SIGLEC6: variants seen among roughly 807,000 people sequenced by gnomAD.
The protein encoded by SIGLEC6 is sialic acid-binding Ig-like lectin 6.
SIGLEC6 carries 31 observed loss-of-function variants against 41.4 expected under a neutral mutation model. The observed-to-expected ratio is 0.75, with a 90% confidence interval of 0.56 to 1.01. The LOEUF (loss-of-function observed/expected upper bound fraction) is 1.01, where lower values mean the gene tolerates loss of function less well. Among genes scored for constraint, SIGLEC6 ranks in the 50% least tolerant of loss-of-function variants. The pLI is 0.00. For missense variants in SIGLEC6, 555 were observed against 558.6 expected (o/e 0.99, Z 0.06); for synonymous variants, 217 against 231.0 (o/e 0.94, Z 0.55).
chr19:51,530,175 G>A (rs543718086), intron 4 of SIGLEC6, among the ~76,000 whole-genome samples, 194 bp from the exon 5 acceptor site: 2 of 152,294 alleles, frequency 1.3e-5, no homozygotes, highest in South Asian at 2.1e-4. Context: ...CAAGGGCTGC[G>A]GACAGCGTCG....
At position 51,519,839 on chromosome 19, in the gene SIGLEC6, A is replaced by G; in HGVS notation, c.*243T>C. The stretch of plus-strand genomic sequence containing the variant: ...AAGATTAGGACACAAACACACTCAG[A>G]GGAAAGACCATGTGAAGACACAAGG... On this transcript the variant is annotated 3_prime_UTR_variant, in exon 8 of 8. Transcript: ENST00000425629. 1 of 268,750 alleles carries G rather than the reference A, an allele frequency of 3.7e-6. No individual in the cohort carries two copies. Among genetic ancestry groups the G allele is most frequent in the Non-Finnish European group, 7.0e-6 (1 of 142,654 alleles). 16.6% of individuals were successfully genotyped at this position (268,750 alleles called of 1,614,324 possible). A position where few individuals can be genotyped will look rare whatever the true frequency, so the allele number is the denominator to read the frequency against.
chr19:51,527,477 A>C (rs745910551), intron 7 of SIGLEC6, among the ~76,000 whole-genome samples: 1 of 143,168 alleles, frequency 7.0e-6, no homozygotes, highest in African/African-American at 2.6e-5. Flanking sequence ...AGGAAATATG[A>C]TAATCTGACA....
At chr19:51,520,318 G>T in intron 7 of SIGLEC6, 63 bp from the exon 8 acceptor site, 2 of 1,184,552 alleles carry the variant, frequency 1.7e-6, no homozygotes, top group Non-Finnish European at 1.2e-6. Context: ...AGCAGCCAAG[G>T]ATCAGAAAGG....
At chr19:51,522,589 C>T (rs548042985) in intron 7 of SIGLEC6, among the ~76,000 whole-genome samples, 1 of 152,286 alleles carries the variant, frequency 6.6e-6, no homozygotes, top group East Asian at 1.9e-4. Flanking sequence ...AGTTCGAGAC[C>T]AGCCTGGGCA....
At chr19:51,523,015 C>T (rs1227206415) in intron 7 of SIGLEC6, among the ~76,000 whole-genome samples, 2 of 152,012 alleles carry the variant, frequency 1.3e-5, no homozygotes, top group East Asian at 3.9e-4. Context: ...TGGTGCATGC[C>T]TGTAGTCATA....
rs764341409 is a variant in SIGLEC6, at chr19:51,531,160, C to A, written c.427G>T (p.Ala143Ser). 1 of 1,578,814 alleles carries A rather than the reference C, an allele frequency of 6.3e-7. No homozygotes were observed. The highest frequency in any genetic ancestry group is 1.3e-5 in the African/African-American group (1 of 74,284). The change falls in exon 2 of 8, where the codon GCC (alanine) becomes TCC (serine). Residue 143 changes from alanine to serine, a missense_variant and splice_region_variant. Coordinates refer to ENST00000425629, the MANE Select transcript of SIGLEC6 (RefSeq NM_001245.7). ...TSSKLSVRVM[A>S]LTHRPNISIP... ...GCTAGTCCTGGAGCTGGTTCCTTAC[C>A]CATCACACGCACAGAGAGCTTGGAA...
Position 51,518,930 on chromosome 19 carries a change from C to T in SIGLEC6, c.*1152G>A, listed in dbSNP as rs1017842266. Among the ~76,000 whole-genome samples the T allele has an allele frequency of 2.6e-5, 4 of 152,092 alleles. No homozygotes were observed. Among genetic ancestry groups the T allele is most frequent in the African/African-American group, 9.7e-5 (4 of 41,404 alleles). ...TCTGAACAGGGGGTGACACAGACAC[C>T]TGGTGCTGTGGCCTCTGGGCCTACT... On this transcript the variant is annotated 3_prime_UTR_variant, in exon 8 of 8. Coordinates refer to ENST00000425629, the MANE Select transcript of SIGLEC6 (RefSeq NM_001245.7).
At position 51,517,964 on chromosome 19, in the gene SIGLEC6, G is replaced by A. The variant is rs901514841; in HGVS notation, c.*2118C>T. ...TATTTCAATATTACATTTGATGTTTGACCCCTCTACAAACCATCATTTTTA... is the reference window on the plus strand; with the variant it reads ...TATTTCAATATTACATTTGATGTTTAACCCCTCTACAAACCATCATTTTTA... On this transcript the variant is annotated 3_prime_UTR_variant, in exon 8 of 8. Coordinates refer to ENST00000425629, the MANE Select transcript of SIGLEC6 (RefSeq NM_001245.7). 6.6e-6 allele frequency among the ~76,000 whole-genome samples: 1 copy of A among 151,946 alleles called. No individual in the cohort carries two copies. Among genetic ancestry groups the A allele is most frequent in the Non-Finnish European group, 1.5e-5 (1 of 67,964 alleles).
Position 51,520,144 on chromosome 19 carries a change from C to G in SIGLEC6, c.1300G>C (p.Val434Leu). 1 of 1,604,350 alleles carries G rather than the reference C, an allele frequency of 6.2e-7. No homozygotes were observed. The highest frequency in any genetic ancestry group is 2.2e-5 in the East Asian group (1 of 44,650). Residue 434 changes from valine (V) to leucine (L), a missense_variant, in exon 8 of 8, where the codon GTG becomes CTG. Transcript: ENST00000425629. Reference sequence around the variant, plus strand: ...GTGACCTTTGGTTCCTGAGGTTGCACCTTGTGGAAGTGTAGGACAGCGTAG... The same window carrying G: ...GTGACCTTTGGTTCCTGAGGTTGCAGCTTGTGGAAGTGTAGGACAGCGTAG... ...LHYAVLHFHK[V>L]QPQEPKVTDT...
intron 4 of SIGLEC6, among the ~76,000 whole-genome samples, 193 bp from the exon 5 acceptor site, chr19:51,530,174 C>T (rs1980010655): frequency 1.3e-5 from 2 of 152,156 alleles, no homozygotes; most frequent in South Asian, 2.1e-4. Flanking sequence ...GCAAGGGCTG[C>T]GGACAGCGTC....
rs762305360 is a variant in SIGLEC6, at chr19:51,529,806, C to T, written c.930G>A (p.Gly310=). Residue 310 remains glycine, a synonymous_variant, in exon 5 of 8, where the codon GGG becomes GGA. Coordinates refer to ENST00000425629, the MANE Select transcript of SIGLEC6 (RefSeq NM_001245.7). The part of the protein sequence containing the change: ...NTGVLELPQV[G]SAEEGDFTCR... ...AGGTGAAATCTCCTTCTTCTGCAGA[C>T]CCTACTTGAGGCAGCTCCAGGACCC... is the stretch of plus-strand genomic sequence containing the variant. 5.9e-5 allele frequency: 96 copies of T among 1,614,034 alleles called. No individual in the cohort carries two copies. The highest frequency in any genetic ancestry group is 7.7e-5 in the Non-Finnish European group (91 of 1,180,030).
intron 7 of SIGLEC6, among the ~76,000 whole-genome samples, chr19:51,520,667 C>T (rs1232175393): frequency 3.3e-5 from 5 of 152,204 alleles, no homozygotes; most frequent in Non-Finnish European, 7.3e-5. Context: ...TGAGCCACCA[C>T]ATCCACCGCA....
intron 5 of SIGLEC6, 55 bp downstream of exon 5, chr19:51,529,669 C>T: frequency 6.2e-7 from 1 of 1,607,506 alleles, no homozygotes; most frequent in Non-Finnish European, 8.5e-7. Flanking sequence ...TCTCTGAATA[C>T]TATGGAGCTC....
intron 4 of SIGLEC6, 129 bp from the exon 5 acceptor site, chr19:51,530,110 G>T: frequency 1.7e-6 from 2 of 1,167,274 alleles, no homozygotes; most frequent in Non-Finnish European, 2.4e-6. Context: ...CAGGTCTTCA[G>T]AAAAGCCCAG....
chr19:51,525,304 C>T (rs1235095476), intron 7 of SIGLEC6, among the ~76,000 whole-genome samples: 1 of 152,160 alleles, frequency 6.6e-6, no homozygotes, highest in South Asian at 2.1e-4. Flanking sequence ...CCAGAGGTAA[C>T]AGACAAGTCT....
intron 4 of SIGLEC6, among the ~76,000 whole-genome samples, 183 bp downstream of exon 4, chr19:51,530,254 A>G (rs542291211): frequency 6.6e-6 from 1 of 152,306 alleles, no homozygotes; most frequent in Non-Finnish European, 1.5e-5. Context: ...AAGAGAGAAG[A>G]GGGAGTGCGA....
chr19:51,527,536 A>T (rs1275683507), intron 7 of SIGLEC6, among the ~76,000 whole-genome samples: 1 of 152,212 alleles, frequency 6.6e-6, no homozygotes, highest in Non-Finnish European at 1.5e-5. Flanking sequence ...TACGTATTTC[A>T]TCAGAACTAT....
chr19:51,530,520 G>A, intron 3 of SIGLEC6, 36 bp from the exon 4 acceptor site: 1 of 1,613,172 alleles, frequency 6.2e-7, no homozygotes, highest in Non-Finnish European at 8.5e-7. Flanking sequence ...CAACATCCCT[G>A]AGGAGGGATG....
rs1375044236 is a variant in SIGLEC6, at chr19:51,530,040, C to T, written c.755-59G>A. On this transcript the variant is annotated intron_variant, in intron 4 of 7. Coordinates refer to ENST00000425629, the MANE Select transcript of SIGLEC6 (RefSeq NM_001245.7). ...GGGTATAGGGGCAAAGCACTGGTGT[C>T]CCTCTCCTCCTGTGGGGTCCACACT... 2.6e-6 allele frequency: 4 copies of T among 1,519,522 alleles called. No individual in the cohort carries two copies. In the African/African-American group the frequency reaches 4.2e-5, roughly 16 times the overall value. 94.1% of individuals were successfully genotyped at this position (1,519,522 alleles called of 1,614,324 possible).
Sources: gnomAD v4.1 joint callset for allele counts (sites outside exome capture counted in the v4.1 genomes callset) on GRCh38, gnomAD v4.1.1 for gene constraint, MANE v1.5 for transcripts, NCBI Gene and HGNC (gene_info 2026-07-23, HGNC 2026-07-21) for gene names.